The following MAGI1 variants were observed in gnomAD, a reference collection of about 807,000 sequenced individuals.
MAGI1 encodes membrane-associated guanylate kinase, WW and PDZ domain-containing protein 1.
A neutral mutation model predicts 139.9 loss-of-function variants in MAGI1; 58 were observed. That is an observed-to-expected ratio of 0.41 (90% CI 0.34 to 0.52). The LOEUF (loss-of-function observed/expected upper bound fraction) is 0.52, where lower values mean the gene tolerates loss of function less well. MAGI1 is among the 20% of genes least tolerant of loss of function. The pLI is 0.12. For missense variants in MAGI1, 1,874 were observed against 1,901.6 expected (o/e 0.99, Z 0.27); for synonymous variants, 812 against 737.9 (o/e 1.10, Z -1.63).
intron 1 of MAGI1, among the ~76,000 whole-genome samples, chr3:65,646,267 T>C (rs2085254174): frequency 6.6e-6 from 1 of 151,996 alleles, no homozygotes. Context: ...TCAGACAATG[T>C]GGGCTTTACA....
chr3:65,472,023 G>A (rs1472041911), intron 4 of MAGI1, among the ~76,000 whole-genome samples: 1 of 152,050 alleles, frequency 6.6e-6, no homozygotes, highest in Non-Finnish European at 1.5e-5. Context: ...TGAAATCAAG[G>A]ATGTCCCTCA....
At chr3:65,430,435 T>A (rs1198836090) in intron 11 of MAGI1, among the ~76,000 whole-genome samples, 8 of 152,102 alleles carry the variant, frequency 5.3e-5, no homozygotes, top group Admixed American at 4.6e-4. Flanking sequence ...TAAATGGGGA[T>A]CTACAGTTTT....
At chr3:65,474,687 C>G (rs969023738) in intron 4 of MAGI1, among the ~76,000 whole-genome samples, 3 of 151,944 alleles carry the variant, frequency 2.0e-5, no homozygotes, top group Admixed American at 6.6e-5. Context: ...CAACATAAGC[C>G]AAGTCAAAGA....
intron 1 of MAGI1, among the ~76,000 whole-genome samples, chr3:65,748,491 G>C (rs577961511): frequency 6.6e-6 from 1 of 152,176 alleles, no homozygotes; most frequent in African/African-American, 2.4e-5. Context: ...GTCCAGAATA[G>C]AAGGAAAGTT....
intron 1 of MAGI1, among the ~76,000 whole-genome samples, chr3:65,919,302 C>A (rs2062055759): frequency 6.6e-6 from 1 of 152,182 alleles, no homozygotes; most frequent in African/African-American, 2.4e-5. Context: ...TGGCTCATGC[C>A]TGTAAATTCC....
chr3:65,682,925 G>A (rs2107522317), intron 1 of MAGI1, among the ~76,000 whole-genome samples: 1 of 152,180 alleles, frequency 6.6e-6, no homozygotes, highest in East Asian at 1.9e-4. Flanking sequence ...ATGGGGACGG[G>A]GAAGGGGATG....
intron 3 of MAGI1, among the ~76,000 whole-genome samples, chr3:65,483,989 T>G (rs1951458806): frequency 6.6e-6 from 1 of 152,182 alleles, no homozygotes; most frequent in South Asian, 2.1e-4. Flanking sequence ...TTATACAAAT[T>G]TACTATTCAT....
chr3:65,862,352 T>A (rs1354569883), intron 1 of MAGI1, among the ~76,000 whole-genome samples: 1 of 152,172 alleles, frequency 6.6e-6, no homozygotes, highest in African/African-American at 2.4e-5. Context: ...GAGTTCATAC[T>A]CAATAAATGT....
chr3:65,772,587 G>C (rs1370607663), intron 1 of MAGI1, among the ~76,000 whole-genome samples: 1 of 152,206 alleles, frequency 6.6e-6, no homozygotes, highest in Non-Finnish European at 1.5e-5. Flanking sequence ...TAGGCCAGGA[G>C]CTGCCACATG....
intron 1 of MAGI1, among the ~76,000 whole-genome samples, chr3:65,715,729 T>A (rs992198681): frequency 6.6e-6 from 1 of 152,252 alleles, no homozygotes; most frequent in African/African-American, 2.4e-5. Flanking sequence ...GTGGAATTAT[T>A]TCATGTGAAA....
intron 1 of MAGI1, among the ~76,000 whole-genome samples, chr3:65,651,963 T>C (rs1326384171): frequency 6.6e-6 from 1 of 152,182 alleles, no homozygotes; most frequent in Non-Finnish European, 1.5e-5. Context: ...TCTCTAGCTA[T>C]TATGCTGAAG....
At chr3:65,644,868 A>T (rs1347011306) in intron 1 of MAGI1, among the ~76,000 whole-genome samples, 1 of 151,938 alleles carries the variant, frequency 6.6e-6, no homozygotes, top group East Asian at 1.9e-4. Flanking sequence ...ATGGTGACGC[A>T]CACCTATAAT....
intron 9 of MAGI1, among the ~76,000 whole-genome samples, chr3:65,438,561 G>C (rs1452381798): frequency 6.6e-6 from 1 of 152,184 alleles, no homozygotes; most frequent in Non-Finnish European, 1.5e-5. Context: ...GACTAAGGTA[G>C]ATAACATTTC....
rs574690410 is a variant in MAGI1, at chr3:65,422,976, T to C, written c.2167+6544A>G. On this transcript the variant is annotated intron_variant, in intron 12 of 22. Coordinates refer to ENST00000402939, the MANE Select transcript of MAGI1 (RefSeq NM_001033057.2). ...AAAGCACTGTAGCTGGAGGGCAGAC[T>C]GGAGGAAGCACTGAGACCTGTTGCG... Among the ~76,000 whole-genome samples, 23 of 152,242 alleles carry C rather than the reference T, an allele frequency of 1.5e-4. No individual in the cohort carries two copies. The South Asian group carries it at 3.9e-3, about 26-fold the overall frequency.
intron 1 of MAGI1, chr3:65,717,658 T>C (rs985371328): frequency 6.6e-6 from 1 of 152,216 alleles, no homozygotes; most frequent in African/African-American, 2.4e-5. Context: ...GAAAACATCT[T>C]GCAATATCTA....
chr3:65,623,968 G>T (rs879765230), intron 1 of MAGI1, among the ~76,000 whole-genome samples: 3 of 152,020 alleles, frequency 2.0e-5, no homozygotes, highest in Non-Finnish European at 4.4e-5. Context: ...ATCAGCACAA[G>T]GTTTGAACAG....
chr3:65,488,976 T>C (rs1439966034), intron 3 of MAGI1, among the ~76,000 whole-genome samples: 1 of 152,188 alleles, frequency 6.6e-6, no homozygotes, highest in East Asian at 1.9e-4. Context: ...CCCAGCAAAA[T>C]TGTTTATGTT....
At chr3:66,022,309 C>A (rs568733606) in intron 1 of MAGI1, among the ~76,000 whole-genome samples, 3 of 152,120 alleles carry the variant, frequency 2.0e-5, no homozygotes, top group Non-Finnish European at 2.9e-5. Context: ...TATTTTCCCA[C>A]GGAGTTGAAG....
chr3:65,538,970 A>T (rs959917032), intron 2 of MAGI1, among the ~76,000 whole-genome samples: 1 of 118,222 alleles, frequency 8.5e-6, no homozygotes, highest in African/African-American at 2.6e-5. Context: ...CATCAAACAG[A>T]CACATATACC....
Sources: gnomAD v4.1 joint callset for allele counts (sites outside exome capture counted in the v4.1 genomes callset) on GRCh38, gnomAD v4.1.1 for gene constraint, MANE v1.5 for transcripts, NCBI Gene and HGNC (gene_info 2026-07-23, HGNC 2026-07-21) for gene names.